GATAD2A: variants seen among roughly 807,000 people sequenced by gnomAD.
GATAD2A encodes the protein transcriptional repressor p66-alpha.
A neutral mutation model predicts 68.5 loss-of-function variants in GATAD2A; 12 were observed. The ratio of observed to expected loss-of-function variants is 0.18; its 90% CI spans 0.11 to 0.28. GATAD2A has a LOEUF of 0.28. GATAD2A is among the 10% of genes least tolerant of loss of function. The pLI is 1.00. For synonymous variants in GATAD2A, 410 were observed against 375.3 expected, an observed-to-expected ratio of 1.09 and a Z score of -1.07; for missense variants, 755 against 868.5, an observed-to-expected ratio of 0.87 and a Z score of 1.64.
At chr19:19,475,316 C>T (rs1443381646) in intron 2 of GATAD2A, among the ~76,000 whole-genome samples, 1 of 152,260 alleles carries the variant, frequency 6.6e-6, no homozygotes, top group African/African-American at 2.4e-5. Context: ...CCTCCTACAG[C>T]CCTCTTGGCA....
chr19:19,385,974 AGTCG>A (rs959982390), exon 1 of GATAD2A: 11 of 149,314 alleles, frequency 7.4e-5, no homozygotes, highest in Non-Finnish European at 1.2e-4. Context: ...CCGCCCGCGC[AGTCG>A]GTCGGTCGGT....
chr19:19,465,447 A>G lies in GATAD2A; in HGVS notation c.102A>G (p.Gly34=), dbSNP rs747439586. The change falls in exon 2 of 12, where the codon GGA becomes GGG. Residue 34 remains glycine (G), a synonymous_variant. Transcript: ENST00000683918. The part of the protein sequence containing the change: ...VESKKIKMER[G]LLASDLNTDG... ...GCAAGAAAATAAAAATGGAGAGAGGATTGTTGGCTTCAGATTTAAACACTG... is the reference window on the plus strand; with the variant it reads ...GCAAGAAAATAAAAATGGAGAGAGGGTTGTTGGCTTCAGATTTAAACACTG... The G allele has an allele frequency of 9.9e-6, 16 of 1,613,848 alleles. No homozygotes were observed. The South Asian group carries it at 1.4e-4, about 14-fold the overall frequency.
intron 2 of GATAD2A, among the ~76,000 whole-genome samples, chr19:19,484,156 C>G (rs2059253404): frequency 6.6e-6 from 1 of 152,118 alleles, no homozygotes. Flanking sequence ...CTGGCCTGGG[C>G]AACACAGCGA....
chr19:19,482,275 G>A (rs2059114965), intron 2 of GATAD2A, among the ~76,000 whole-genome samples: 1 of 152,166 alleles, frequency 6.6e-6, no homozygotes, highest in Non-Finnish European at 1.5e-5. Context: ...GTGGTAGTGG[G>A]CGCCTGTAGT....
At chr19:19,431,561 G>A (rs1347361375) in intron 1 of GATAD2A, among the ~76,000 whole-genome samples, 1 of 151,448 alleles carries the variant, frequency 6.6e-6, no homozygotes, top group East Asian at 2.0e-4. Context: ...GGGCGTGGTG[G>A]TGCGTGCCTG....
At chr19:19,503,668 G>C (rs779967392) in intron 11 of GATAD2A, among the ~76,000 whole-genome samples, 6 of 151,946 alleles carry the variant, frequency 3.9e-5, no homozygotes, top group Non-Finnish European at 8.8e-5. Flanking sequence ...GTGTGTGTGT[G>C]TGTGTTTAAA....
intron 1 of GATAD2A, among the ~76,000 whole-genome samples, chr19:19,459,575 G>A (rs913768312): frequency 6.6e-6 from 1 of 152,150 alleles, no homozygotes; most frequent in African/African-American, 2.4e-5. Context: ...AAAAGTTTGG[G>A]TTGACTGTTT....
At chr19:19,499,997 A>G (rs2060416582) in intron 8 of GATAD2A, among the ~76,000 whole-genome samples, 1 of 152,144 alleles carries the variant, frequency 6.6e-6, no homozygotes, top group Non-Finnish European at 1.5e-5. Context: ...GGAAATGAGG[A>G]TTGGGGGCCG....
chr19:19,451,920 C>A (rs1031180871), intron 1 of GATAD2A, among the ~76,000 whole-genome samples: 5 of 152,196 alleles, frequency 3.3e-5, no homozygotes, highest in African/African-American at 1.2e-4. Context: ...ATCATTGCAG[C>A]CTTGAACCCA....
At chr19:19,442,266 C>G (rs2055185911) in intron 1 of GATAD2A, among the ~76,000 whole-genome samples, 1 of 152,216 alleles carries the variant, frequency 6.6e-6, no homozygotes, top group Non-Finnish European at 1.5e-5. Flanking sequence ...CACAGGGGCC[C>G]TGCTGGCACA....
intron 2 of GATAD2A, among the ~76,000 whole-genome samples, chr19:19,470,368 T>G (rs2058206790): frequency 6.6e-6 from 1 of 151,998 alleles, no homozygotes; most frequent in African/African-American, 2.4e-5. Context: ...ACTCCTGACC[T>G]CGTGATCCGC....
intron 1 of GATAD2A, among the ~76,000 whole-genome samples, chr19:19,418,408 C>T (rs1480762119): frequency 6.6e-6 from 1 of 152,204 alleles, no homozygotes; most frequent in Non-Finnish European, 1.5e-5. Flanking sequence ...GGACCATCTC[C>T]ATACATTGGA....
upstream of GATAD2A, chr19:19,402,526 A>G (rs2049848034): frequency 1.3e-5 from 2 of 150,502 alleles, no homozygotes; most frequent in East Asian, 4.1e-4. Context: ...ATCTCTACTA[A>G]AAATACAAAA....
At chr19:19,501,925 C>T in intron 9 of GATAD2A, 44 bp from the exon 10 acceptor site, 1 of 1,513,198 alleles carries the variant, frequency 6.6e-7, no homozygotes, top group Non-Finnish European at 9.2e-7. Context: ...CCTGGGCCGG[C>T]CAGCGGACCG....
At chr19:19,452,704 C>G (rs1170705553) in intron 1 of GATAD2A, among the ~76,000 whole-genome samples, 1 of 152,080 alleles carries the variant, frequency 6.6e-6, no homozygotes, top group Non-Finnish European at 1.5e-5. Context: ...GCTAAAGCCA[C>G]AGGCAAAATG....
At chr19:19,414,197 G>C (rs931468866) in intron 1 of GATAD2A, among the ~76,000 whole-genome samples, 2 of 152,134 alleles carry the variant, frequency 1.3e-5, no homozygotes, top group African/African-American at 4.8e-5. Context: ...GTTTGTATCT[G>C]TCAGGTTATA....
chr19:19,390,387 C>G (rs575403947), intron 1 of GATAD2A, among the ~76,000 whole-genome samples: 1 of 152,108 alleles, frequency 6.6e-6, no homozygotes, highest in African/African-American at 2.4e-5. Flanking sequence ...TGTTGTATTC[C>G]TGGCCTGGAC....
At chr19:19,401,459 C>G (rs2049741312), upstream of GATAD2A, among the ~76,000 whole-genome samples, 1 of 151,976 alleles carries the variant, frequency 6.6e-6, no homozygotes, top group Non-Finnish European at 1.5e-5. Flanking sequence ...GTGATCCACC[C>G]TCCTTGGCCT....
rs532094839 is a variant in GATAD2A, at chr19:19,438,276, C to T, written c.-6-27064C>T. ...CACCTCCTTTTTGGAGATAGGCTCT[C>T]GCTCTGTCACCCAGGCTGGAGTGCA... On this transcript the variant is annotated intron_variant, in intron 1 of 11. Transcript: ENST00000683918. 7.8e-4 allele frequency among the ~76,000 whole-genome samples: 119 copies of T among 152,356 alleles called. 3 individuals are homozygous for T. In the South Asian group the frequency reaches 0.022, roughly 28 times the overall value.
Sources: gnomAD v4.1 joint callset for allele counts (sites outside exome capture counted in the v4.1 genomes callset) on GRCh38, gnomAD v4.1.1 for gene constraint, MANE v1.5 for transcripts, NCBI Gene and HGNC (gene_info 2026-07-23, HGNC 2026-07-21) for gene names.